SLC16A9: variants seen among roughly 807,000 people sequenced by gnomAD.
SLC16A9 encodes monocarboxylate transporter 9.
In SLC16A9, 26 loss-of-function variants were observed where a neutral mutation model predicts 44.3. The observed-to-expected ratio is 0.59, with a 90% CI of 0.43 to 0.81. SLC16A9 has a LOEUF of 0.81. Among genes scored for constraint, SLC16A9 ranks in the 40% least tolerant of loss-of-function variants. The pLI is 0.00. For missense variants in SLC16A9, 559 were observed against 595.8 expected (o/e 0.94, Z 0.64); for synonymous variants, 230 against 225.1 (o/e 1.02, Z -0.19).
At chr10:59,684,821 G>A (rs1428960176) in intron 1 of SLC16A9, among the ~76,000 whole-genome samples, 1 of 152,220 alleles carries the variant, frequency 6.6e-6, no homozygotes, top group African/African-American at 2.4e-5. Flanking sequence ...TGACCCTTCA[G>A]AGATGTGCTG....
At chr10:59,705,173 A>G (rs1049715643) in intron 1 of SLC16A9, among the ~76,000 whole-genome samples, 5 of 152,186 alleles carry the variant, frequency 3.3e-5, no homozygotes, top group African/African-American at 1.2e-4. Flanking sequence ...TCCCATGAGT[A>G]GTTTAAAAGT....
chr10:59,678,775 C>G (rs989375906), intron 2 of SLC16A9, among the ~76,000 whole-genome samples: 10 of 149,478 alleles, frequency 6.7e-5, no homozygotes, highest in Non-Finnish European at 1.3e-4. Flanking sequence ...GATCTCCTGA[C>G]CTCATGATCC....
At chr10:59,677,063 T>TCACACACACACACACACACACACACACA (rs57206841) in intron 2 of SLC16A9, among the ~76,000 whole-genome samples, 3 of 149,120 alleles carry the variant, frequency 2.0e-5, no homozygotes, top group African/African-American at 7.5e-5. Flanking sequence ...AATAGGAACT[T>TCACACACACACACACACACACACACACA]CACACACACA....
chr10:59,677,528 A>G (rs1839886766), intron 2 of SLC16A9, among the ~76,000 whole-genome samples: 1 of 152,236 alleles, frequency 6.6e-6, no homozygotes, highest in Non-Finnish European at 1.5e-5. Context: ...GGACACAGAG[A>G]AATCAAACAC....
chr10:59,700,479 G>T (rs1840498175), intron 1 of SLC16A9, among the ~76,000 whole-genome samples: 1 of 152,132 alleles, frequency 6.6e-6, no homozygotes, highest in Non-Finnish European at 1.5e-5. Context: ...AATTCAATGT[G>T]CATCAAAAAG....
chr10:59,652,950 C>T lies in SLC16A9; in HGVS notation c.1352G>A (p.Gly451Asp), dbSNP rs762337876. 3 of 1,594,696 alleles carry T rather than the reference C, an allele frequency of 1.9e-6. No individual in the cohort carries two copies. The highest frequency in any genetic ancestry group is 2.7e-5 in the African/African-American group (2 of 73,642). The stretch of plus-strand genomic sequence containing the variant: ...GGTCTGGGTCCAGTCATAAAACCAA[C>T]CTGAAAAGGCAGTAAGAAAAAAAGT... ...LGNSLGPPIV[G>D]WFYDWTQTYD... The change falls in exon 6 of 6, where the codon GGT becomes GAT. Residue 451 changes from glycine to aspartate, a missense_variant and splice_region_variant. Coordinates refer to ENST00000395348, the MANE Select transcript of SLC16A9 (RefSeq NM_194298.3).
chr10:59,686,017 G>A (rs1413102707), intron 1 of SLC16A9, among the ~76,000 whole-genome samples: 8 of 146,070 alleles, frequency 5.5e-5, no homozygotes, highest in Non-Finnish European at 1.2e-4. Context: ...TTGCTCTGTC[G>A]CCCAGGCTGG....
chr10:59,691,803 T>C (rs764200805), intron 1 of SLC16A9, among the ~76,000 whole-genome samples: 1 of 152,228 alleles, frequency 6.6e-6, no homozygotes, highest in African/African-American at 2.4e-5. Flanking sequence ...ACTCTTTACA[T>C]TGGCTGAAAA....
At chr10:59,693,637 T>A (rs888060090) in intron 1 of SLC16A9, among the ~76,000 whole-genome samples, 8 of 148,250 alleles carry the variant, frequency 5.4e-5, no homozygotes, top group African/African-American at 2.0e-4. Flanking sequence ...TTATTTATTT[T>A]GAGATGGAGT....
At chr10:59,688,848 T>A (rs1413242783) in intron 1 of SLC16A9, among the ~76,000 whole-genome samples, 2 of 151,666 alleles carry the variant, frequency 1.3e-5, no homozygotes, top group Non-Finnish European at 2.9e-5. Context: ...GAATCATGAA[T>A]AAAGCCAGTA....
At chr10:59,664,742 A>G (rs544892080) in intron 3 of SLC16A9, among the ~76,000 whole-genome samples, 26 of 152,288 alleles carry the variant, frequency 1.7e-4, no homozygotes, top group Admixed American at 3.3e-4. Context: ...ACAACTTTTT[A>G]AAATACACTT....
rs10821579 is a variant in SLC16A9, at chr10:59,694,817, T to C, written c.-36-10490A>G. On this transcript the variant is annotated intron_variant, in intron 1 of 5. Coordinates refer to ENST00000395348, the MANE Select transcript of SLC16A9 (RefSeq NM_194298.3). Reference sequence around the variant, plus strand: ...TCCATCTCAAATATATATATATATATACACACACACACACACATATATATA... The same window carrying C: ...TCCATCTCAAATATATATATATATACACACACACACACACACATATATATA... Among the ~76,000 whole-genome samples, 282 of 47,614 alleles carry C rather than the reference T, an allele frequency of 5.9e-3. 22 individuals are homozygous for C. Among genetic ancestry groups the C allele is most frequent in the African/African-American group, 0.018 (225 of 12,402 alleles). 31.2% of individuals were successfully genotyped at this position (47,614 alleles called of 152,430 possible).
At position 59,698,456 on chromosome 10, in the gene SLC16A9, T is replaced by C. The variant is rs369675651; in HGVS notation, c.-37+11023A>G. Among the ~76,000 whole-genome samples, 9 of 152,316 alleles carry C rather than the reference T, an allele frequency of 5.9e-5. No individual in the cohort carries two copies. The East Asian group carries it at 1.2e-3, about 20-fold the overall frequency. ...TGTTGGCTGGTCTCTGGCTAGAGAA[T>C]GAGCACAGTTTCACCCTTATGGCTC... is the stretch of plus-strand genomic sequence containing the variant. On this transcript the variant is annotated intron_variant, in intron 1 of 5. Transcript: ENST00000395348.
chr10:59,672,845 C>T lies in SLC16A9; in HGVS notation c.265G>A (p.Val89Met). Residue 89 changes from valine (V) to methionine (M), a missense_variant, in exon 3 of 6, where the codon GTG becomes ATG. Physicochemically the swap from Val to Met is conservative, Grantham distance 21 (BLOSUM62 1). Transcript: ENST00000395348. ...CTGCTCAACATCAGGCCTCCAGCCACCATGAAGCCACTGAAGATTGTGACA... is the reference window on the plus strand; with the variant it reads ...CTGCTCAACATCAGGCCTCCAGCCATCATGAAGCCACTGAAGATTGTGACA... ...RPVTIFSGFM[V>M]AGGLMLSSFA... 1 of 1,613,722 alleles carries T rather than the reference C, an allele frequency of 6.2e-7. No individual in the cohort carries two copies. Among genetic ancestry groups the T allele is most frequent in the East Asian group, 2.2e-5 (1 of 44,852 alleles).
intron 2 of SLC16A9, among the ~76,000 whole-genome samples, chr10:59,679,174 C>T (rs1487646184): frequency 3.4e-5 from 1 of 29,368 alleles, no homozygotes; most frequent in African/African-American, 9.7e-5. Flanking sequence ...TGTTTCAGCA[C>T]TTGGGTAGTG....
chr10:59,672,903 G>T lies in SLC16A9; in HGVS notation c.207C>A (p.Cys69Ter). Residue 69 changes from cysteine (C) to a stop codon, truncating the protein, a stop_gained, in exon 3 of 6, where the codon TGC (cysteine) becomes TGA (stop). Coordinates refer to ENST00000395348, the MANE Select transcript of SLC16A9 (RefSeq NM_194298.3). LOFTEE classifies it high-confidence loss of function. ...SGVGLLASPV[C>*]SLCVSSFGAR... ...CTCCAAAAGATGAGACACAGAGACT[G>T]CAGACAGGACCTAAAAAAAGAAATG... 6.2e-7 allele frequency: 1 copy of T among 1,608,218 alleles called. No individual in the cohort carries two copies.
In SLC16A9 at chr10:59,684,444, A is replaced by G. The variant is rs184355191; in HGVS notation, c.-36-117T>C. On this transcript the variant is annotated intron_variant, in intron 1 of 5. Transcript: ENST00000395348. ...AAAAAAAGGTTCTCCAAAGACATAC[A>G]TGGAAAAGCATAAAATATCACTGAC... is the stretch of plus-strand genomic sequence containing the variant. 8.1e-6 allele frequency: 4 copies of G among 490,912 alleles called. No homozygotes were observed. In the Admixed American group the frequency reaches 1.1e-4, roughly 14 times the overall value. 30.4% of individuals were successfully genotyped at this position (490,912 alleles called of 1,614,324 possible). A position where few individuals can be genotyped will look rare whatever the true frequency, so the allele number is the denominator to read the frequency against.
At chr10:59,687,790 A>C (rs1449996797) in intron 1 of SLC16A9, among the ~76,000 whole-genome samples, 1 of 152,010 alleles carries the variant, frequency 6.6e-6, no homozygotes, top group Non-Finnish European at 1.5e-5. Context: ...GTGAAACTCT[A>C]TCTCTACAAA....
At chr10:59,677,763 G>A (rs1663409056) in intron 2 of SLC16A9, among the ~76,000 whole-genome samples, 1 of 152,004 alleles carries the variant, frequency 6.6e-6, no homozygotes, top group Non-Finnish European at 1.5e-5. Flanking sequence ...GAAACATAAC[G>A]TGATTTTTCA....
Sources: gnomAD v4.1 joint callset for allele counts (sites outside exome capture counted in the v4.1 genomes callset) on GRCh38, gnomAD v4.1.1 for gene constraint, MANE v1.5 for transcripts, NCBI Gene and HGNC (gene_info 2026-07-23, HGNC 2026-07-21) for gene names.